PARD6G: variants seen among roughly 807,000 people sequenced by gnomAD.
PARD6G encodes partitioning defective 6 homolog gamma.
In PARD6G, 7 loss-of-function variants were observed where a neutral mutation model predicts 10.7. That is an observed-to-expected ratio of 0.66 (90% CI 0.37 to 1.23). The LOEUF (loss-of-function observed/expected upper bound fraction) is 1.23, where lower values mean the gene tolerates loss of function less well. PARD6G is among the 50% of genes most tolerant of loss of function. The pLI is 0.02. For synonymous variants in PARD6G, 287 were observed against 269.4 expected, an observed-to-expected ratio of 1.07 and a Z score of -0.64; for missense variants, 548 against 571.8, an observed-to-expected ratio of 0.96 and a Z score of 0.42.
At chr18:80,227,987 G>T (rs1244010682) in intron 1 of PARD6G, among the ~76,000 whole-genome samples, 3 of 152,294 alleles carry the variant, frequency 2.0e-5, no homozygotes, top group East Asian at 3.9e-4. Context: ...TTTGAGCCAG[G>T]TAGAAACTTA....
chr18:80,223,773 C>CT (rs925179914), intron 1 of PARD6G, among the ~76,000 whole-genome samples: 1 of 152,192 alleles, frequency 6.6e-6, no homozygotes, highest in African/African-American at 2.4e-5. Flanking sequence ...GGAGACTCTG[C>CT]TTTTGCTCCA....
At chr18:80,165,030 A>T (rs2090672) in intron 2 of PARD6G, among the ~76,000 whole-genome samples, 1 of 151,942 alleles carries the variant, frequency 6.6e-6, no homozygotes, top group Non-Finnish European at 1.5e-5. Context: ...TATGTTCAGC[A>T]GTGCACATAT....
chr18:80,234,211 G>A (rs1004637243), intron 1 of PARD6G, among the ~76,000 whole-genome samples: 8 of 152,134 alleles, frequency 5.3e-5, no homozygotes, highest in Admixed American at 5.2e-4. Flanking sequence ...CTGGCACAGT[G>A]TCAGGCCTGT....
rs2052843809 is a variant in PARD6G, at chr18:80,180,574, G to A, written c.296-19968C>T. 6.6e-6 allele frequency among the ~76,000 whole-genome samples: 1 copy of A among 152,122 alleles called. No homozygotes were observed. Among genetic ancestry groups the A allele is most frequent in the Admixed American group, 6.5e-5 (1 of 15,274 alleles). On this transcript the variant is annotated intron_variant, in intron 2 of 2. Coordinates refer to ENST00000353265, the MANE Select transcript of PARD6G (RefSeq NM_032510.4). This position sits in a 1 kb window ranked among gnomAD's most constrained non-coding sequence, Gnocchi z 5.6. ...GCGGCCTCTGGGTGTTTTCAGAACG[G>A]CAATCACATTCTCAAGCTTAACTGT...
rs1288375772 is a variant in PARD6G at position 80,201,615 on chromosome 18, G to T, written c.295+1095C>A. ...TTGTGCCAGAGAATCTGTCTGAAGT[G>T]AGGTCAACGAGTCTCCTGCCGTTCC... On this transcript the variant is annotated intron_variant, in intron 2 of 2. Coordinates refer to ENST00000353265, the MANE Select transcript of PARD6G (RefSeq NM_032510.4). The surrounding 1 kb of genome is among the most constrained non-coding windows in gnomAD (Gnocchi z 5.9). Among the ~76,000 whole-genome samples, 1 of 152,266 alleles carries T rather than the reference G, an allele frequency of 6.6e-6. No homozygotes were observed. Among genetic ancestry groups the T allele is most frequent in the Non-Finnish European group, 1.5e-5 (1 of 68,054 alleles).
intron 2 of PARD6G, chr18:80,187,845 T>G (rs2052888513): frequency 6.6e-6 from 1 of 152,234 alleles, no homozygotes; most frequent in African/African-American, 2.4e-5. Context: ...TGTAGCTCAC[T>G]GGATGCCCAG....
chr18:80,220,601 CTTTG>C (rs1181159205), intron 1 of PARD6G, among the ~76,000 whole-genome samples: 2 of 151,700 alleles, frequency 1.3e-5, no homozygotes, highest in African/African-American at 2.4e-5. Flanking sequence ...TCTCTGCAAT[CTTTG>C]TTTTTTTTTT....
Position 80,159,833 on chromosome 18 carries a change from G to A in PARD6G, c.1069C>T (p.Arg357Cys), listed in dbSNP as rs758328356. The change falls in exon 3 of 3, where the codon CGT becomes TGT. Residue 357 changes from arginine to cysteine, a missense_variant. Transcript: ENST00000353265. ...CCTGGCGGCAGCGCCAGGCTGTGAC[G>A]GGGGTCGGCCCGCAGGGAGCTGAGC... ...RLLSSLRADP[R>C]HSLALPPGGV... The A allele has an allele frequency of 3.6e-5, 54 of 1,489,874 alleles. No homozygotes were observed. The highest frequency in any genetic ancestry group is 1.0e-4 in the Admixed American group (4 of 39,410). The allele number at this position is 1,489,874 out of a possible 1,614,324, so 92.3% of individuals were successfully genotyped here. A position where few individuals can be genotyped will look rare whatever the true frequency, so the allele number is the denominator to read the frequency against.
At chr18:80,165,243 T>A (rs1470712103) in intron 2 of PARD6G, among the ~76,000 whole-genome samples, 1 of 152,204 alleles carries the variant, frequency 6.6e-6, no homozygotes. Flanking sequence ...CCCCTAGGAA[T>A]GCATTCCTTT....
In PARD6G at chr18:80,203,642, C is replaced by T. The variant is rs549367767; in HGVS notation, c.73-710G>A. ...AGGTCCCTTGCCTCATCTGTGGTTG[C>T]TGAAGGGACATCTGCACAGCTTGGG... On this transcript the variant is annotated intron_variant, in intron 1 of 2. Coordinates refer to ENST00000353265, the MANE Select transcript of PARD6G (RefSeq NM_032510.4). Among the ~76,000 whole-genome samples the T allele has an allele frequency of 2.2e-4, 33 of 152,288 alleles. 1 individual carries two copies. The highest frequency in any genetic ancestry group is 4.0e-4 in the Non-Finnish European group (27 of 68,026).
At chr18:80,174,608 G>A (rs890391800) in intron 2 of PARD6G, among the ~76,000 whole-genome samples, 3 of 152,186 alleles carry the variant, frequency 2.0e-5, no homozygotes, top group African/African-American at 7.2e-5. Context: ...CCAGCACTGG[G>A]TGATGCAGGA....
intron 2 of PARD6G, among the ~76,000 whole-genome samples, chr18:80,167,251 G>A (rs1282045692): frequency 1.3e-5 from 2 of 151,906 alleles, no homozygotes; most frequent in Admixed American, 6.6e-5. Flanking sequence ...TAACACATGG[G>A]CAGTGTTGCG....
At chr18:80,196,703 T>A (rs573693229) in intron 2 of PARD6G, among the ~76,000 whole-genome samples, 1 of 152,128 alleles carries the variant, frequency 6.6e-6, no homozygotes, top group African/African-American at 2.4e-5. Context: ...CTCGGCTTCA[T>A]GTGGGCGCCC....
At position 80,228,464 on chromosome 18, in the gene PARD6G, T is replaced by C. The variant is rs1014151887; in HGVS notation, c.72+18813A>G. 9.9e-5 allele frequency among the ~76,000 whole-genome samples: 15 copies of C among 152,126 alleles called. No homozygotes were observed. The highest frequency in any genetic ancestry group is 2.1e-4 in the Non-Finnish European group (14 of 67,998). On this transcript the variant is annotated intron_variant, in intron 1 of 2. Transcript: ENST00000353265. The surrounding 1 kb of genome is among the most constrained non-coding windows in gnomAD (Gnocchi z 4.6). The stretch of plus-strand genomic sequence containing the variant: ...CCAAGTGCCCCTACAGCTCACATTG[T>C]CTGCAAGGGGTCCCCACCCCCACAA...
At chr18:80,172,067 G>A (rs2052780960) in intron 2 of PARD6G, among the ~76,000 whole-genome samples, 1 of 152,178 alleles carries the variant, frequency 6.6e-6, no homozygotes, top group Non-Finnish European at 1.5e-5. Flanking sequence ...ACCTAGGGGT[G>A]GAATTACTGC....
intron 1 of PARD6G, among the ~76,000 whole-genome samples, chr18:80,237,055 CA>C (rs1485437690): frequency 6.6e-6 from 1 of 152,028 alleles, no homozygotes; most frequent in Non-Finnish European, 1.5e-5. Flanking sequence ...AATCCTAAGC[CA>C]AAAGAACAAA....
At chr18:80,241,577 G>A (rs1193985969) in intron 1 of PARD6G, among the ~76,000 whole-genome samples, 1 of 152,160 alleles carries the variant, frequency 6.6e-6, no homozygotes, top group African/African-American at 2.4e-5. Context: ...ATATTGGAGG[G>A]GCATTAAGTA....
At position 80,246,593 on chromosome 18, in the gene PARD6G, T is replaced by C. The variant is rs1967550892; in HGVS notation, c.72+684A>G. On this transcript the variant is annotated intron_variant, in intron 1 of 2. Transcript: ENST00000353265. The surrounding 1 kb of genome is among the most constrained non-coding windows in gnomAD (Gnocchi z 6.7). ...GGGCTGGGTCTGGGGCGGGGGCGCG[T>C]CCGGAGGTGGGGGAGTCTGGGGTGG... is the stretch of plus-strand genomic sequence containing the variant. Among the ~76,000 whole-genome samples, 1 of 78,112 alleles carries C rather than the reference T, an allele frequency of 1.3e-5. No individual in the cohort carries two copies. The highest frequency in any genetic ancestry group is 5.0e-5 in the African/African-American group (1 of 20,116). The allele number at this position is 78,112 out of a possible 152,430, so 51.2% of individuals were successfully genotyped here.
At chr18:80,244,044 G>A (rs545932011) in intron 1 of PARD6G, among the ~76,000 whole-genome samples, 3 of 152,134 alleles carry the variant, frequency 2.0e-5, no homozygotes, top group Admixed American at 6.5e-5. Context: ...GTGGCACCGT[G>A]TTGCTTGCTG....
Sources: gnomAD v4.1 joint callset for allele counts (sites outside exome capture counted in the v4.1 genomes callset) on GRCh38, gnomAD v4.1.1 for gene constraint, Gnocchi (gnomAD v3.1) non-coding constraint, MANE v1.5 for transcripts, NCBI Gene and HGNC (gene_info 2026-07-23, HGNC 2026-07-21) for gene names.